Variants in ETNK1 observed in about 807,000 individuals in gnomAD.
The protein encoded by ETNK1 is putative protein product of Nbla10396.
In ETNK1, 8 loss-of-function variants were observed where a neutral mutation model predicts 45.1. That is an observed-to-expected ratio of 0.18 (90% CI 0.10 to 0.32). ETNK1 has a LOEUF of 0.32. Ranked by LOEUF, ETNK1 falls within the 10% of genes least tolerant of loss-of-function variation. The pLI is 1.00. For missense variants in ETNK1, 302 were observed against 430.6 expected (o/e 0.70, Z 2.64); for synonymous variants, 152 against 151.9 (o/e 1.00, Z -0.01).
At chr12:22,636,376 C>T (rs760123429) in intron 1 of ETNK1, among the ~76,000 whole-genome samples, 10 of 151,912 alleles carry the variant, frequency 6.6e-5, no homozygotes, top group Non-Finnish European at 1.5e-4. Context: ...AAATTTCCAA[C>T]ATTTATTATG....
intron 1 of ETNK1, among the ~76,000 whole-genome samples, chr12:22,630,622 A>T (rs865956543): frequency 2.2e-4 from 33 of 151,622 alleles, no homozygotes; most frequent in Middle Eastern, 3.4e-3. Context: ...ATTTTATTTT[A>T]TTTTTTTTGA....
intron 5 of ETNK1, 50 bp from the exon 6 acceptor site, chr12:22,673,450 G>C (rs2137570132): frequency 6.9e-7 from 1 of 1,447,788 alleles, no homozygotes; most frequent in East Asian, 2.3e-5. Context: ...AAGGTATGCA[G>C]AAGAGTTTAT....
intron 6 of ETNK1, among the ~76,000 whole-genome samples, chr12:22,675,698 T>A (rs1217042307): frequency 6.6e-6 from 1 of 152,076 alleles, no homozygotes; most frequent in Admixed American, 6.5e-5. Context: ...AAATTGGAAT[T>A]AGAAGGAAAC....
At chr12:22,641,113 A>G (rs1222511006) in intron 1 of ETNK1, among the ~76,000 whole-genome samples, 3 of 152,184 alleles carry the variant, frequency 2.0e-5, no homozygotes, top group Non-Finnish European at 2.9e-5. Context: ...CTCCAGCCAG[A>G]GACCAGTAGA....
chr12:22,687,534 AT>A lies in ETNK1; in HGVS notation c.*2588del, dbSNP rs569555566. Reference sequence around the variant, plus strand: ...ATGCTTTAACAAGCCAAATTCCGCAATTTTTTTTCCTTTTTTCCCCTTCATA... The same window carrying A: ...ATGCTTTAACAAGCCAAATTCCGCAATTTTTTTCCTTTTTTCCCCTTCATA... On this transcript the variant is annotated 3_prime_UTR_variant, in exon 8 of 8. Transcript: ENST00000266517. 4.6e-5 allele frequency: 7 copies of A among 152,010 alleles called. No homozygotes were observed. The highest frequency in any genetic ancestry group is 3.3e-4 in the Admixed American group (5 of 15,222). 9.4% of individuals were successfully genotyped at this position (152,010 alleles called of 1,614,324 possible).
intron 4 of ETNK1, among the ~76,000 whole-genome samples, chr12:22,664,133 G>A (rs1340683338): frequency 6.6e-6 from 1 of 151,756 alleles, no homozygotes; most frequent in African/African-American, 2.4e-5. Context: ...AAGATGCCAT[G>A]CCTTATACTT....
chr12:22,659,636 A>G lies in ETNK1; in HGVS notation c.557+482A>G, dbSNP rs181198091. ...TTATCTATAAAATGGAAATTACAGT[A>G]GTAGTATATTAACCATATAGAGTTT... On this transcript the variant is annotated intron_variant, in intron 3 of 7. Transcript: ENST00000266517. 2.6e-3 allele frequency among the ~76,000 whole-genome samples: 395 copies of G among 152,336 alleles called. 1 individual carries two copies. The highest frequency in any genetic ancestry group is 4.3e-3 in the Non-Finnish European group (294 of 68,028).
In ETNK1 at chr12:22,690,298, T is replaced by G. The variant is rs1264154507; in HGVS notation, c.*5344T>G. ...ATATCTGTCTGAGAATTTGTTAATC[T>G]GTTTGATAATGAAGATACTTCCTGT... On this transcript the variant is annotated 3_prime_UTR_variant, in exon 8 of 8. Coordinates refer to ENST00000266517, the MANE Select transcript of ETNK1 (RefSeq NM_018638.5). 1 of 152,650 alleles carries G rather than the reference T, an allele frequency of 6.6e-6. No individual in the cohort carries two copies. The highest frequency in any genetic ancestry group is 1.9e-4 in the East Asian group (1 of 5,186). 9.5% of individuals were successfully genotyped at this position (152,650 alleles called of 1,614,324 possible).
intron 6 of ETNK1, chr12:22,682,389 CTGATAACTCTAGTT>C (rs781149284): frequency 1.7e-5 from 6 of 349,476 alleles, no homozygotes; most frequent in South Asian, 8.7e-5. Flanking sequence ...ATACTCAAGT[CTGATAACTCTAGTT>C]TGATAACTCT....
intron 2 of ETNK1, among the ~76,000 whole-genome samples, chr12:22,653,971 C>T (rs575018001): frequency 3.3e-5 from 5 of 152,262 alleles, no homozygotes; most frequent in Admixed American, 2.6e-4. Context: ...CTGCTATGAT[C>T]TGAATATTTG....
Position 22,673,678 on chromosome 12 carries a change from CAAT to C in ETNK1, c.945+19_945+21del. The C allele has an allele frequency of 3.1e-6, 5 of 1,589,396 alleles. No individual in the cohort carries two copies. In the East Asian group the frequency reaches 1.1e-4, roughly 36 times the overall value. On this transcript the variant is annotated intron_variant, in intron 6 of 7. Transcript: ENST00000266517. The stretch of plus-strand genomic sequence containing the variant: ...TTGCATTGGTAAGTTTAAATGTACA[CAAT>C]TAATGAAAGGTTCTTACTGTAATTG...
At position 22,625,225 on chromosome 12, in the gene ETNK1, G is replaced by A. The variant is rs951597543; in HGVS notation, c.-206G>A. 9 of 1,611,378 alleles carry A rather than the reference G, an allele frequency of 5.6e-6. No homozygotes were observed. The highest frequency in any genetic ancestry group is 1.7e-4 in the Middle Eastern group (1 of 6,056). On this transcript the variant is annotated 5_prime_UTR_variant, in exon 1 of 8. Coordinates refer to ENST00000266517, the MANE Select transcript of ETNK1 (RefSeq NM_018638.5). The stretch of plus-strand genomic sequence containing the variant: ...AGGAATTTTCTCCGAGAGCGGGCCG[G>A]GCTCAGTTCAGCTGCTGTCCAGACC...
chr12:22,625,393 CCGT>C lies in ETNK1; in HGVS notation c.-31_-29del. 1 of 1,562,800 alleles carries C rather than the reference CCGT, an allele frequency of 6.4e-7. No homozygotes were observed. Among genetic ancestry groups the C allele is most frequent in the Non-Finnish European group, 8.6e-7 (1 of 1,157,772 alleles). ...CCCGCCGTTCTCGTGGTCGCCGTCG[CCGT>C]CGTCGTGGTGGTAGTCTCCGCCGTC... On this transcript the variant is annotated 5_prime_UTR_variant, in exon 1 of 8. Transcript: ENST00000266517.
At chr12:22,656,935 C>T (rs1411121322) in intron 2 of ETNK1, 2 of 507,620 alleles carry the variant, frequency 3.9e-6, no homozygotes, top group South Asian at 1.7e-4. Context: ...TTGTATCTTT[C>T]TTCAAGCTTT....
At position 22,646,697 on chromosome 12, in the gene ETNK1, T is replaced by G. The variant is rs544013785; in HGVS notation, c.416+2675T>G. On this transcript the variant is annotated intron_variant, in intron 2 of 7. Coordinates refer to ENST00000266517, the MANE Select transcript of ETNK1 (RefSeq NM_018638.5). ...GCTTTAGATCAAAGTCCACAGTACT[T>G]TCTTGAATTGGCTCATTCAACCATA... 2.6e-5 allele frequency among the ~76,000 whole-genome samples: 4 copies of G among 151,906 alleles called. No homozygotes were observed. In the East Asian group the frequency reaches 7.7e-4, roughly 29 times the overall value.
chr12:22,662,592 C>G (rs1423449010), intron 4 of ETNK1, among the ~76,000 whole-genome samples: 3 of 151,730 alleles, frequency 2.0e-5, no homozygotes, highest in East Asian at 1.9e-4. Flanking sequence ...GAGATGGAAT[C>G]TTGCTCTGTT....
chr12:22,684,622 C>G, intron 7 of ETNK1, 66 bp downstream of exon 7: 3 of 1,083,860 alleles, frequency 2.8e-6, no homozygotes, highest in Non-Finnish European at 4.2e-6. Context: ...ATTAAGAATT[C>G]ACAGGGAATA....
At chr12:22,677,474 G>A in intron 6 of ETNK1, among the ~76,000 whole-genome samples, 1 of 152,176 alleles carries the variant, frequency 6.6e-6, no homozygotes, top group East Asian at 1.9e-4. Context: ...TTTTGCTTAG[G>A]ATTGTCTTGG....
intron 1 of ETNK1, among the ~76,000 whole-genome samples, chr12:22,635,157 C>T (rs771679927): frequency 1.3e-5 from 2 of 152,218 alleles, no homozygotes; most frequent in Non-Finnish European, 2.9e-5. Flanking sequence ...AGAGTCCTCA[C>T]AGCCTGTGCT....
Sources: gnomAD v4.1 joint callset for allele counts (sites outside exome capture counted in the v4.1 genomes callset) on GRCh38, gnomAD v4.1.1 for gene constraint, MANE v1.5 for transcripts, NCBI Gene and HGNC (gene_info 2026-07-23, HGNC 2026-07-21) for gene names.